Variants in PTPN11 observed in about 807,000 individuals in gnomAD.
PTPN11 encodes the protein tyrosine-protein phosphatase non-receptor type 11.
PTPN11 carries 6 observed loss-of-function variants against 78.8 expected under a neutral mutation model. The ratio of observed to expected loss-of-function variants is 0.08; its 90% CI spans 0.04 to 0.15. The LOEUF (loss-of-function observed/expected upper bound fraction) is 0.15. Among genes scored for constraint, PTPN11 ranks in the 10% least tolerant of loss-of-function variants. The probability of loss-of-function intolerance (pLI) is 1.00; values close to 1 mark genes in which losing one functional copy is unlikely to be tolerated. For synonymous variants in PTPN11, 221 were observed against 263.5 expected (o/e 0.84, Z 1.56); for missense variants, 386 against 744.8 (o/e 0.52, Z 5.61).
At chr12:112,461,964 C>T (rs1361272391) in intron 6 of PTPN11, among the ~76,000 whole-genome samples, 1 of 152,178 alleles carries the variant, frequency 6.6e-6, no homozygotes, top group Non-Finnish European at 1.5e-5. Context: ...ACATTACACA[C>T]AACAATCTTA....
At chr12:112,476,426 C>T (rs1249898450) in intron 7 of PTPN11, among the ~76,000 whole-genome samples, 2 of 152,136 alleles carry the variant, frequency 1.3e-5, no homozygotes, top group African/African-American at 2.4e-5. Flanking sequence ...AGAATTTGGA[C>T]AGTTGATACT....
chr12:112,453,134 T>G (rs1288610980), intron 3 of PTPN11, 61 bp from the exon 4 acceptor site: 8 of 1,439,978 alleles, frequency 5.6e-6, no homozygotes, highest in Non-Finnish European at 6.8e-6. Flanking sequence ...AGTAGTTTTG[T>G]GAAAGAACAA....
intron 1 of PTPN11, among the ~76,000 whole-genome samples, chr12:112,440,549 C>T (rs1039992252): frequency 2.1e-4 from 31 of 146,422 alleles, no homozygotes; most frequent in Non-Finnish European, 3.6e-4. Context: ...CAGGCGTGAG[C>T]CACTGTGCCT....
chr12:112,460,316 C>A (rs73425502), intron 6 of PTPN11, among the ~76,000 whole-genome samples: 271 of 152,294 alleles, frequency 1.8e-3, no homozygotes, highest in African/African-American at 6.1e-3. Flanking sequence ...GTGTATAAAA[C>A]AGATTCATAT....
chr12:112,435,142 C>A (rs2037770346), intron 1 of PTPN11, among the ~76,000 whole-genome samples: 2 of 152,132 alleles, frequency 1.3e-5, no homozygotes, highest in East Asian at 3.9e-4. Context: ...TCTTAGCTTC[C>A]CAAGTAACTG....
chr12:112,451,931 A>G (rs1028000353), intron 3 of PTPN11, among the ~76,000 whole-genome samples: 1 of 152,168 alleles, frequency 6.6e-6, no homozygotes, highest in African/African-American at 2.4e-5. Context: ...GCTGGAGTCA[A>G]GTGACGCGAT....
At chr12:112,428,647 T>G (rs1361404403) in intron 1 of PTPN11, among the ~76,000 whole-genome samples, 5 of 151,638 alleles carry the variant, frequency 3.3e-5, no homozygotes, top group Non-Finnish European at 7.4e-5. Context: ...TATGAATACT[T>G]TTGGAAAAAA....
At chr12:112,436,335 A>G (rs1439136653) in intron 1 of PTPN11, among the ~76,000 whole-genome samples, 1 of 152,196 alleles carries the variant, frequency 6.6e-6, no homozygotes, top group African/African-American at 2.4e-5. Flanking sequence ...TATGCTTTAT[A>G]GTTCTTTTAT....
chr12:112,472,911 C>A, intron 6 of PTPN11, 33 bp from the exon 7 acceptor site: 6 of 1,495,794 alleles, frequency 4.0e-6, no homozygotes, highest in Non-Finnish European at 5.6e-6. Flanking sequence ...GACTCTTTGA[C>A]ACGTAATAAT....
At chr12:112,468,667 C>T (rs2038366968) in intron 6 of PTPN11, among the ~76,000 whole-genome samples, 1 of 152,164 alleles carries the variant, frequency 6.6e-6, no homozygotes. Context: ...GGGTGCCTCT[C>T]CTGTCCTCTG....
intron 9 of PTPN11, among the ~76,000 whole-genome samples, chr12:112,481,593 A>G (rs1391069974): frequency 1.3e-5 from 2 of 152,094 alleles, no homozygotes; most frequent in Non-Finnish European, 2.9e-5. Context: ...CCCAGGTTCA[A>G]ATAATTCTCC....
intron 1 of PTPN11, among the ~76,000 whole-genome samples, chr12:112,431,977 A>G (rs1247279308): frequency 1.3e-5 from 2 of 152,194 alleles, no homozygotes; most frequent in East Asian, 3.8e-4. Context: ...CATACAGTAA[A>G]GGGTAATTTT....
intron 9 of PTPN11, among the ~76,000 whole-genome samples, chr12:112,481,650 G>A (rs889488189): frequency 1.3e-5 from 2 of 152,016 alleles, no homozygotes; most frequent in Non-Finnish European, 2.9e-5. Flanking sequence ...CTGCTATCAC[G>A]CCTGGCTAAT....
intron 1 of PTPN11, among the ~76,000 whole-genome samples, chr12:112,420,897 A>G (rs1283699900): frequency 6.6e-6 from 1 of 152,200 alleles, no homozygotes; most frequent in Non-Finnish European, 1.5e-5. Context: ...CTATTCTTTA[A>G]TCTGTCAAAT....
chr12:112,441,759 CTT>C (rs780883636), intron 1 of PTPN11, among the ~76,000 whole-genome samples: 9 of 151,900 alleles, frequency 5.9e-5, no homozygotes, highest in Non-Finnish European at 1.2e-4. Flanking sequence ...ATCTCAATGA[CTT>C]TTGAAATCCA....
In PTPN11 at chr12:112,466,596, C is replaced by T. The variant is rs375440056; in HGVS notation, c.757-6348C>T. Among the ~76,000 whole-genome samples the T allele has an allele frequency of 2.6e-4, 40 of 152,290 alleles. No homozygotes were observed. In the East Asian group the frequency reaches 6.0e-3, roughly 23 times the overall value. ...CAAACTCCTGACCTCAGGTGATCCTCCTGCCTCAGCCTCCCAAAGTGCTAG... is the reference window on the plus strand; with the variant it reads ...CAAACTCCTGACCTCAGGTGATCCTTCTGCCTCAGCCTCCCAAAGTGCTAG... On this transcript the variant is annotated intron_variant, in intron 6 of 15. Coordinates refer to ENST00000351677, the MANE Select transcript of PTPN11 (RefSeq NM_002834.5).
At chr12:112,492,873 A>G (rs1446714760) in intron 13 of PTPN11, among the ~76,000 whole-genome samples, 1 of 152,158 alleles carries the variant, frequency 6.6e-6, no homozygotes, top group Non-Finnish European at 1.5e-5. Flanking sequence ...CTTGCCTGAA[A>G]AAATTATTAC....
chr12:112,474,616 T>C (rs1461243733), intron 7 of PTPN11, among the ~76,000 whole-genome samples: 2 of 149,062 alleles, frequency 1.3e-5, no homozygotes, highest in Non-Finnish European at 3.0e-5. Context: ...TTTCTACTTA[T>C]TTATTTATTT....
intron 1 of PTPN11, among the ~76,000 whole-genome samples, chr12:112,430,907 A>G (rs2037703025): frequency 6.6e-6 from 1 of 152,184 alleles, no homozygotes; most frequent in Non-Finnish European, 1.5e-5. Flanking sequence ...TATTAAAATG[A>G]CTACAGTAGC....
Sources: gnomAD v4.1 joint callset for allele counts (sites outside exome capture counted in the v4.1 genomes callset) on GRCh38, gnomAD v4.1.1 for gene constraint, MANE v1.5 for transcripts, NCBI Gene and HGNC (gene_info 2026-07-23, HGNC 2026-07-21) for gene names.